LHFPL3: variants seen among roughly 807,000 people sequenced by gnomAD.
LHFPL3 encodes LHFPL tetraspan subfamily member 3 protein.
In LHFPL3, 5 loss-of-function variants were observed where a neutral mutation model predicts 19.3. The observed-to-expected ratio is 0.26, with a 90% CI of 0.14 to 0.54. The LOEUF (loss-of-function observed/expected upper bound fraction) is 0.54. LHFPL3 is among the 20% of genes least tolerant of loss of function. The pLI is 0.94. For missense variants in LHFPL3, 249 were observed against 307.4 expected (o/e 0.81, Z 1.42); for synonymous variants, 133 against 126.2 (o/e 1.05, Z -0.36).
intron 1 of LHFPL3, among the ~76,000 whole-genome samples, chr7:104,473,379 C>T (rs902694107): frequency 6.6e-6 from 1 of 152,186 alleles, no homozygotes; most frequent in Non-Finnish European, 1.5e-5. Flanking sequence ...TTACTTGTAT[C>T]TCTGATAGAA....
chr7:104,359,368 T>A (rs1203269543), intron 1 of LHFPL3, among the ~76,000 whole-genome samples: 2 of 152,248 alleles, frequency 1.3e-5, no homozygotes, highest in Non-Finnish European at 2.9e-5. Flanking sequence ...AAATAAAATT[T>A]AAAATTATTA....
chr7:104,442,762 C>A (rs1792251753), intron 1 of LHFPL3, among the ~76,000 whole-genome samples: 1 of 152,156 alleles, frequency 6.6e-6, no homozygotes, highest in Non-Finnish European at 1.5e-5. Context: ...AAAGTGTCTC[C>A]TTGGCAAACT....
intron 1 of LHFPL3, among the ~76,000 whole-genome samples, chr7:104,538,992 T>A (rs7795604): frequency 0.16 from 24,124 of 152,096 alleles, 2,117 homozygotes; most frequent in Middle Eastern, 0.2. Context: ...TTACTGGTTT[T>A]GAAGTTGGAG....
intron 1 of LHFPL3, among the ~76,000 whole-genome samples, chr7:104,688,015 A>G (rs567766909): frequency 2.0e-5 from 3 of 152,234 alleles, no homozygotes; most frequent in African/African-American, 4.8e-5. Context: ...TCTACTTCTA[A>G]TAGTATGGAG....
chr7:104,487,049 T>C (rs1793250024), intron 1 of LHFPL3, among the ~76,000 whole-genome samples: 1 of 152,190 alleles, frequency 6.6e-6, no homozygotes, highest in Non-Finnish European at 1.5e-5. Context: ...CTGTCTTTCG[T>C]TTTTCCTGCA....
Position 104,862,612 on chromosome 7 carries a change from C to T in LHFPL3, c.683-43575C>T, listed in dbSNP as rs147486306. On this transcript the variant is annotated intron_variant, in intron 2 of 2. Transcript: ENST00000424859. ...TTGGAGAAGGGTAGATCTGGGCCAA[C>T]CTGTGTATAAGCCGCTGGTCCCGCA... Among the ~76,000 whole-genome samples the T allele has an allele frequency of 4.0e-5, 5 of 126,566 alleles. No homozygotes were observed. In the East Asian group the frequency reaches 1.2e-3, roughly 30 times the overall value. 83.0% of individuals were successfully genotyped at this position (126,566 alleles called of 152,430 possible).
chr7:104,617,695 C>T (rs1791372603), intron 1 of LHFPL3, among the ~76,000 whole-genome samples: 1 of 152,158 alleles, frequency 6.6e-6, no homozygotes, highest in Non-Finnish European at 1.5e-5. Flanking sequence ...AATGTTCTAA[C>T]TTCATATAGC....
chr7:104,883,700 G>T (rs1792095706), intron 2 of LHFPL3, among the ~76,000 whole-genome samples: 1 of 152,156 alleles, frequency 6.6e-6, no homozygotes, highest in Non-Finnish European at 1.5e-5. Context: ...TCCTGAAATT[G>T]CTCAGATAAT....
At chr7:104,551,162 T>TA (rs576935792) in intron 1 of LHFPL3, among the ~76,000 whole-genome samples, 1 of 152,076 alleles carries the variant, frequency 6.6e-6, no homozygotes, top group Non-Finnish European at 1.5e-5. Context: ...GAGCATTTTA[T>TA]AAAAAAACAA....
intron 1 of LHFPL3, among the ~76,000 whole-genome samples, chr7:104,443,638 C>G (rs1562899182): frequency 6.6e-6 from 1 of 152,210 alleles, no homozygotes; most frequent in East Asian, 1.9e-4. Flanking sequence ...ATTCCATAAT[C>G]CCAGAGCAGC....
At chr7:104,815,075 A>G (rs1790539176) in intron 2 of LHFPL3, among the ~76,000 whole-genome samples, 1 of 152,020 alleles carries the variant, frequency 6.6e-6, no homozygotes, top group Non-Finnish European at 1.5e-5. Flanking sequence ...ATGCCCAGGA[A>G]AGTGGGACTC....
At chr7:104,573,579 T>A (rs981937595) in intron 1 of LHFPL3, among the ~76,000 whole-genome samples, 4 of 152,182 alleles carry the variant, frequency 2.6e-5, no homozygotes, top group Non-Finnish European at 4.4e-5. Context: ...TTGCTCCCTT[T>A]GGAATTATTT....
intron 2 of LHFPL3, among the ~76,000 whole-genome samples, chr7:104,864,280 G>T (rs1300436767): frequency 6.6e-6 from 1 of 152,166 alleles, no homozygotes; most frequent in African/African-American, 2.4e-5. Flanking sequence ...GACAGTGGGT[G>T]CAGTGCACCG....
At chr7:104,510,565 A>G (rs1264951679) in intron 1 of LHFPL3, among the ~76,000 whole-genome samples, 1 of 152,212 alleles carries the variant, frequency 6.6e-6, no homozygotes, top group Non-Finnish European at 1.5e-5. Context: ...AGAGTTAAAT[A>G]TAAAACTGTA....
chr7:104,562,978 G>C (rs1476680297), intron 1 of LHFPL3, among the ~76,000 whole-genome samples: 20 of 152,196 alleles, frequency 1.3e-4, no homozygotes, highest in South Asian at 2.1e-4. Flanking sequence ...GGGGGTGCTT[G>C]CCAGTTAGGC....
chr7:104,650,019 A>G (rs1365308135), intron 1 of LHFPL3, among the ~76,000 whole-genome samples: 1 of 152,186 alleles, frequency 6.6e-6, no homozygotes, highest in Non-Finnish European at 1.5e-5. Flanking sequence ...CTTCCCCAGT[A>G]CAGGGGCAAG....
intron 1 of LHFPL3, among the ~76,000 whole-genome samples, chr7:104,411,303 A>G (rs1373792240): frequency 1.3e-5 from 2 of 152,164 alleles, no homozygotes; most frequent in African/African-American, 2.4e-5. Context: ...CTACAGTGCA[A>G]TTGACTGTAG....
At chr7:104,802,206 G>A (rs1790265114) in intron 2 of LHFPL3, among the ~76,000 whole-genome samples, 1 of 152,018 alleles carries the variant, frequency 6.6e-6, no homozygotes, top group Non-Finnish European at 1.5e-5. Context: ...CCTTATAAAA[G>A]ATGTTGGGCC....
At chr7:104,698,127 C>A (rs1410889341) in intron 1 of LHFPL3, among the ~76,000 whole-genome samples, 1 of 152,168 alleles carries the variant, frequency 6.6e-6, no homozygotes, top group Non-Finnish European at 1.5e-5. Context: ...TGTGGAGCAG[C>A]TTCCCATGAA....
Sources: gnomAD v4.1 joint callset for allele counts (sites outside exome capture counted in the v4.1 genomes callset) on GRCh38, gnomAD v4.1.1 for gene constraint, MANE v1.5 for transcripts, NCBI Gene and HGNC (gene_info 2026-07-23, HGNC 2026-07-21) for gene names.